The following SDK1 variants were observed in gnomAD, a reference collection of about 807,000 sequenced individuals.
SDK1 encodes sidekick cell adhesion molecule 1.
SDK1 carries 157 observed loss-of-function variants against 245.5 expected under a neutral mutation model. That is an observed-to-expected ratio of 0.64 (90% CI 0.56 to 0.73). The LOEUF (loss-of-function observed/expected upper bound fraction) is 0.73. Among genes scored for constraint, SDK1 ranks in the 30% least tolerant of loss-of-function variants. The pLI is 0.00. For synonymous variants in SDK1, 1,647 were observed against 1,278.5 expected, an observed-to-expected ratio of 1.29 and a Z score of -6.15; for missense variants, 3,583 against 3,002.3, an observed-to-expected ratio of 1.19 and a Z score of -4.52.
chr7:3,739,873 T>C (rs1457343912), intron 4 of SDK1, among the ~76,000 whole-genome samples: 4 of 152,232 alleles, frequency 2.6e-5, no homozygotes, highest in Admixed American at 6.5e-5. Context: ...TGATATAATA[T>C]GGCAATTTTG....
At chr7:3,769,932 T>TTGTGTG (rs1436424036) in intron 4 of SDK1, among the ~76,000 whole-genome samples, 22 of 140,630 alleles carry the variant, frequency 1.6e-4, no homozygotes, top group Non-Finnish European at 3.1e-4. Context: ...TTTGTACTTA[T>TTGTGTG]TGTCTGTGTG....
chr7:3,727,486 G>A (rs980604904), intron 4 of SDK1, among the ~76,000 whole-genome samples: 52 of 152,074 alleles, frequency 3.4e-4, no homozygotes, highest in Admixed American at 2.0e-4. Flanking sequence ...CTTTTTGCCA[G>A]GGAGAGAATT....
chr7:4,231,396 A>G (rs2128235350), intron 40 of SDK1, among the ~76,000 whole-genome samples: 1 of 150,768 alleles, frequency 6.6e-6, no homozygotes, highest in East Asian at 2.0e-4. Flanking sequence ...AGACCCTGTC[A>G]CTACAAAAAA....
chr7:3,666,593 G>T (rs529603812), intron 4 of SDK1, among the ~76,000 whole-genome samples: 1 of 152,134 alleles, frequency 6.6e-6, no homozygotes, highest in African/African-American at 2.4e-5. Context: ...TTGCTTCTCT[G>T]TATATCATAA....
Position 3,692,884 on chromosome 7 carries a change from A to G in SDK1, c.713+50779A>G, listed in dbSNP as rs7803059. ...GTATTGCACTGGCAAATACATTTCT[A>G]TTTTAATTATATATTAATATGATAG... On this transcript the variant is annotated intron_variant, in intron 4 of 44. Transcript: ENST00000404826. Among the ~76,000 whole-genome samples the G allele has an allele frequency of 3.6e-3, 548 of 152,122 alleles. 5 individuals carry two copies. Among genetic ancestry groups the G allele is most frequent in the African/African-American group, 0.013 (523 of 41,528 alleles).
At chr7:3,608,063 A>T (rs1781477544) in intron 1 of SDK1, among the ~76,000 whole-genome samples, 1 of 152,214 alleles carries the variant, frequency 6.6e-6, no homozygotes. Flanking sequence ...CTGGCACCTG[A>T]GCGCGTATCC....
chr7:4,025,270 G>A (rs953052008), intron 17 of SDK1, among the ~76,000 whole-genome samples: 2 of 152,242 alleles, frequency 1.3e-5, no homozygotes, highest in Non-Finnish European at 1.5e-5. Flanking sequence ...CCTCCCTTTC[G>A]GAAAAAGCTT....
At chr7:3,426,287 G>A (rs1375350817) in intron 1 of SDK1, among the ~76,000 whole-genome samples, 1 of 152,134 alleles carries the variant, frequency 6.6e-6, no homozygotes, top group Non-Finnish European at 1.5e-5. Flanking sequence ...AGCATGGAAG[G>A]GTGCTAAGTG....
intron 1 of SDK1, among the ~76,000 whole-genome samples, chr7:3,414,436 T>C (rs1779305849): frequency 6.6e-6 from 1 of 152,134 alleles, no homozygotes; most frequent in Non-Finnish European, 1.5e-5. Context: ...CGAAGGTGGG[T>C]AGTGTCCGAA....
chr7:3,666,847 G>A (rs547999569), intron 4 of SDK1, among the ~76,000 whole-genome samples: 3 of 152,166 alleles, frequency 2.0e-5, no homozygotes, highest in African/African-American at 7.2e-5. Flanking sequence ...GGGTGGAAAC[G>A]AGGGATAAAT....
intron 25 of SDK1, among the ~76,000 whole-genome samples, chr7:4,116,838 G>C (rs527242495): frequency 2.1e-4 from 32 of 152,340 alleles, no homozygotes; most frequent in Admixed American, 1.8e-3. Flanking sequence ...GTGACAACCA[G>C]TGTGCTTCTG....
At chr7:3,728,342 A>T in intron 4 of SDK1, among the ~76,000 whole-genome samples, 1 of 152,202 alleles carries the variant, frequency 6.6e-6, no homozygotes, top group East Asian at 1.9e-4. Flanking sequence ...AATCTGACCA[A>T]CTTAGTGGAA....
intron 4 of SDK1, among the ~76,000 whole-genome samples, chr7:3,658,526 G>A (rs1783257956): frequency 2.0e-5 from 3 of 149,968 alleles, no homozygotes; most frequent in South Asian, 2.1e-4. Context: ...TTTACCTACC[G>A]TAATGTTCAC....
chr7:3,810,968 C>G (rs1020062045), intron 4 of SDK1, among the ~76,000 whole-genome samples: 28 of 152,056 alleles, frequency 1.8e-4, no homozygotes, highest in Non-Finnish European at 2.8e-4. Context: ...ATTCAGTGAC[C>G]GAGCTGTGTT....
intron 13 of SDK1, among the ~76,000 whole-genome samples, chr7:3,983,208 A>T (rs188813984): frequency 1.1e-3 from 165 of 152,344 alleles, no homozygotes; most frequent in Admixed American, 1.8e-3. Flanking sequence ...AAGCTGTGGC[A>T]GGGTTTGGGA....
At chr7:3,891,637 C>A (rs1781462521) in intron 5 of SDK1, among the ~76,000 whole-genome samples, 1 of 152,186 alleles carries the variant, frequency 6.6e-6, no homozygotes, top group African/African-American at 2.4e-5. Context: ...CTGAGCACAT[C>A]ATGCTTCCAA....
chr7:4,157,770 C>G (rs1214556201), intron 30 of SDK1, among the ~76,000 whole-genome samples: 1 of 152,128 alleles, frequency 6.6e-6, no homozygotes, highest in African/African-American at 2.4e-5. Context: ...GCCTCCTCTC[C>G]CAGAGCTCGT....
intron 5 of SDK1, among the ~76,000 whole-genome samples, chr7:3,928,257 C>G (rs965732285): frequency 2.0e-5 from 3 of 152,102 alleles, no homozygotes; most frequent in Non-Finnish European, 2.9e-5. Flanking sequence ...GGAGTTTTTT[C>G]GGTCTGAATT....
At chr7:3,632,458 A>G (rs541793447) in intron 2 of SDK1, among the ~76,000 whole-genome samples, 3 of 152,290 alleles carry the variant, frequency 2.0e-5, no homozygotes, top group Admixed American at 6.5e-5. Flanking sequence ...TGGCATCAAT[A>G]AAAAGTTATC....
Sources: gnomAD v4.1 joint callset for allele counts (sites outside exome capture counted in the v4.1 genomes callset) on GRCh38, gnomAD v4.1.1 for gene constraint, MANE v1.5 for transcripts, NCBI Gene and HGNC (gene_info 2026-07-23, HGNC 2026-07-21) for gene names.